The following BANK1 variants were observed in gnomAD, a reference collection of about 807,000 sequenced individuals.
BANK1 encodes B cell scaffold protein with ankyrin repeats 1, also known as B-cell scaffold protein with ankyrin repeats.
In BANK1, 95 loss-of-function variants were observed where a neutral mutation model predicts 94.5. That is an observed-to-expected ratio of 1.00 (90% CI 0.85 to 1.19). The LOEUF is 1.19. Ranked by LOEUF, BANK1 falls within the 50% of genes most tolerant of loss-of-function variation. The probability of loss-of-function intolerance (pLI) is 0.00; values close to 1 mark genes in which losing one functional copy is unlikely to be tolerated. For missense variants in BANK1, 987 were observed against 932.2 expected, an observed-to-expected ratio of 1.06 and a Z score of -0.77; for synonymous variants, 334 against 308.4, an observed-to-expected ratio of 1.08 and a Z score of -0.87.
intron 4 of BANK1, among the ~76,000 whole-genome samples, chr4:101,864,169 C>G (rs1048995367): frequency 6.6e-6 from 1 of 152,148 alleles, no homozygotes; most frequent in Non-Finnish European, 1.5e-5. Flanking sequence ...TTTAAGTATT[C>G]GTTTCAACTG....
At chr4:101,915,400 G>A (rs1359071011) in intron 6 of BANK1, among the ~76,000 whole-genome samples, 1 of 152,068 alleles carries the variant, frequency 6.6e-6, no homozygotes, top group African/African-American at 2.4e-5. Context: ...TGGTATTTAA[G>A]TAATAAAAGG....
chr4:101,873,113 G>A (rs1203198243), intron 5 of BANK1, among the ~76,000 whole-genome samples: 3 of 119,892 alleles, frequency 2.5e-5, no homozygotes, highest in Non-Finnish European at 3.5e-5. Flanking sequence ...GGGCTACTCA[G>A]CCATTTTTTT....
intron 7 of BANK1, among the ~76,000 whole-genome samples, chr4:101,932,343 G>A (rs1723381876): frequency 1.3e-5 from 2 of 151,496 alleles, no homozygotes; most frequent in Non-Finnish European, 3.0e-5. Flanking sequence ...GTGTGCATAT[G>A]CCTATATATG....
chr4:102,029,496 ATTCT>A (rs1311042542), intron 9 of BANK1, among the ~76,000 whole-genome samples: 1 of 149,302 alleles, frequency 6.7e-6, no homozygotes. Context: ...ATATGAAATC[ATTCT>A]TTATATGTAA....
At chr4:102,057,298 T>C (rs1578484133) in intron 11 of BANK1, among the ~76,000 whole-genome samples, 1 of 147,138 alleles carries the variant, frequency 6.8e-6, no homozygotes, top group Non-Finnish European at 1.5e-5. Context: ...CTTTCTCTCT[T>C]TCTCTCTCCC....
rs184762624 is a variant in BANK1 at position 102,028,067 on chromosome 4, C to G, written c.1595-1893C>G. ...CCCACTCTTAACTGAAAAGTATTAT[C>G]TGATACTTTGGAAAATAAAAAGTAA... On this transcript the variant is annotated intron_variant, in intron 9 of 16. Transcript: ENST00000322953. Among the ~76,000 whole-genome samples the G allele has an allele frequency of 2.6e-5, 4 of 152,238 alleles. No individual in the cohort carries two copies. In the East Asian group the frequency reaches 5.8e-4, roughly 22 times the overall value.
At chr4:102,052,113 C>CTTTTTTTTT (rs199811166) in intron 11 of BANK1, among the ~76,000 whole-genome samples, 95 of 103,982 alleles carry the variant, frequency 9.1e-4, no homozygotes, top group African/African-American at 1.4e-3. Flanking sequence ...TTCTTTTTTT[C>CTTTTTTTTT]TTTTTTTTTT....
intron 7 of BANK1, among the ~76,000 whole-genome samples, chr4:101,961,058 C>T (rs1724551157): frequency 6.6e-6 from 1 of 152,170 alleles, no homozygotes; most frequent in Admixed American, 6.5e-5. Context: ...GATGTCCCCT[C>T]TAAAATCTCC....
chr4:101,811,965 A>T (rs1433183711), intron 1 of BANK1, among the ~76,000 whole-genome samples: 1 of 151,996 alleles, frequency 6.6e-6, no homozygotes, highest in Non-Finnish European at 1.5e-5. Flanking sequence ...AGTCTGAAAA[A>T]TTGTTCTTTA....
intron 2 of BANK1, among the ~76,000 whole-genome samples, chr4:101,847,381 CTAT>C (rs1328218565): frequency 6.6e-6 from 1 of 151,484 alleles, no homozygotes; most frequent in Non-Finnish European, 1.5e-5. Context: ...GTTTTTTTTA[CTAT>C]TATTATTTTT....
At chr4:101,937,047 C>G (rs967428438) in intron 7 of BANK1, among the ~76,000 whole-genome samples, 21 of 151,594 alleles carry the variant, frequency 1.4e-4, no homozygotes, top group Non-Finnish European at 2.4e-4. Context: ...TTGGAAGCTA[C>G]CTAAGTGTCC....
chr4:101,958,490 A>C (rs960469799), intron 7 of BANK1, among the ~76,000 whole-genome samples: 2 of 113,030 alleles, frequency 1.8e-5, no homozygotes, highest in Admixed American at 9.4e-5. Context: ...TTTTCTTAAA[A>C]TATTTCTTGC....
intron 7 of BANK1, among the ~76,000 whole-genome samples, chr4:101,971,459 C>T (rs924596421): frequency 2.0e-5 from 3 of 152,084 alleles, no homozygotes; most frequent in African/African-American, 7.2e-5. Flanking sequence ...TAGGTCATCT[C>T]TCCACACTTA....
At chr4:101,803,108 T>C (rs1725410918) in intron 1 of BANK1, among the ~76,000 whole-genome samples, 1 of 144,244 alleles carries the variant, frequency 6.9e-6, no homozygotes, top group Non-Finnish European at 1.5e-5. Context: ...TGGGATGCAT[T>C]GTTGTCTCAA....
At chr4:101,832,983 TTTC>T in intron 2 of BANK1, among the ~76,000 whole-genome samples, 1 of 152,048 alleles carries the variant, frequency 6.6e-6, no homozygotes, top group Non-Finnish European at 1.5e-5. Context: ...TTCAGGTTTC[TTTC>T]TTTTTTTTTT....
chr4:102,047,757 C>A (rs888937098), intron 11 of BANK1, among the ~76,000 whole-genome samples: 3 of 151,912 alleles, frequency 2.0e-5, no homozygotes, highest in Non-Finnish European at 4.4e-5. Context: ...TGACGAGTAT[C>A]AAGTGTAATG....
At chr4:101,982,722 T>C (rs945487435) in intron 7 of BANK1, among the ~76,000 whole-genome samples, 1 of 151,988 alleles carries the variant, frequency 6.6e-6, no homozygotes, top group Non-Finnish European at 1.5e-5. Context: ...TACATCATTA[T>C]TATGTAAAGA....
intron 6 of BANK1, among the ~76,000 whole-genome samples, chr4:101,901,496 T>C (rs761417704): frequency 2.1e-4 from 32 of 152,184 alleles, no homozygotes; most frequent in Non-Finnish European, 4.1e-4. Context: ...CTCCAGAGTT[T>C]ATATCAGATA....
intron 5 of BANK1, among the ~76,000 whole-genome samples, chr4:101,876,037 C>G (rs541204842): frequency 6.6e-6 from 1 of 152,098 alleles, no homozygotes; most frequent in Non-Finnish European, 1.5e-5. Context: ...GTGGGGAGGA[C>G]TTTGTGTGGC....
Sources: allele counts gnomAD v4.1 joint callset (sites outside exome capture counted in the v4.1 genomes callset), GRCh38; gene constraint gnomAD v4.1.1; transcripts MANE v1.5; gene names NCBI Gene and HGNC (gene_info 2026-07-23, HGNC 2026-07-21).